PSG1: variants seen among roughly 807,000 people sequenced by gnomAD.
PSG1 encodes pregnancy-specific beta-1-glycoprotein 1.
Under a neutral mutation model 41.4 loss-of-function variants are expected in PSG1, and 60 were observed. The observed-to-expected ratio is 1.45, with a 90% CI of 1.18 to 1.80. The LOEUF is 1.80. Ranked by LOEUF, PSG1 falls within the 40% of genes most tolerant of loss-of-function variation. The pLI is 0.00. For synonymous variants in PSG1, 256 were observed against 192.9 expected (o/e 1.33, Z -2.71); for missense variants, 806 against 516.9 (o/e 1.56, Z -5.42).
In PSG1 at chr19:42,868,915, C is replaced by A. The variant is rs764466179; in HGVS notation, c.829G>T (p.Gly277Cys). The A allele has an allele frequency of 3.7e-6, 6 of 1,610,526 alleles. No individual in the cohort carries two copies. The East Asian group carries it at 8.9e-5, about 24-fold the overall frequency. The change falls in exon 4 of 6, where the codon GGT becomes TGT. Residue 277 changes from glycine to cysteine, a missense_variant. Coordinates refer to ENST00000436291, the MANE Select transcript of PSG1 (RefSeq NM_001184825.2). Reference protein sequence around the residue: ...ENYTYIWWLNGQSLPVSPRVK... With the variant: ...ENYTYIWWLNCQSLPVSPRVK... ...CTGGGACTGACCGGGAGGCTCTGAC[C>A]ATTTAGCCACCAAATGTAGGTGTAG...
At position 42,867,978 on chromosome 19, in the gene PSG1, T is replaced by C. The variant is rs1600486952; in HGVS notation, c.1243+123A>G. ...AAATTTGGAGGGTTCAGGAGGAGAA[T>C]TTGGGATTTGCTTGTGCCCATGGGA... On this transcript the variant is annotated intron_variant, in intron 5 of 5. Transcript: ENST00000436291. 5.0e-6 allele frequency: 8 copies of C among 1,600,954 alleles called. No homozygotes were observed. In the East Asian group the frequency reaches 1.8e-4, roughly 36 times the overall value.
intron 2 of PSG1, chr19:42,876,888 C>T (rs545395334): frequency 6.6e-6 from 1 of 152,522 alleles, no homozygotes; most frequent in Admixed American, 6.6e-5. Flanking sequence ...GCCCTCACTT[C>T]TGGTGGAGTA....
rs769787449 is a variant in PSG1 at position 42,878,034 on chromosome 19, G to A, written c.309C>T (p.Ser103=). The A allele has an allele frequency of 1.1e-5, 18 of 1,612,372 alleles. No individual in the cohort carries two copies. The highest frequency in any genetic ancestry group is 1.1e-5 in the Non-Finnish European group (13 of 1,179,160). ...CATTCTGGATCAGCAGGGATGCATT[G>A]GAATATGCTGTTTCTCGTCCACTAT... The part of the protein sequence containing the change: ...PAYSGRETAY[S]NASLLIQNVT... The change falls in exon 2 of 6, where the codon TCC becomes TCT. Residue 103 remains serine, a synonymous_variant. Coordinates refer to ENST00000436291, the MANE Select transcript of PSG1 (RefSeq NM_001184825.2).
intron 5 of PSG1, chr19:42,867,730 A>T (rs777912765): frequency 3.5e-6 from 3 of 860,758 alleles, no homozygotes; most frequent in Non-Finnish European, 6.0e-6. Context: ...AGTATAGTTT[A>T]TTGAACTGCT....
intron 2 of PSG1, among the ~76,000 whole-genome samples, chr19:42,876,337 AC>A (rs1971605425): frequency 6.6e-6 from 1 of 151,012 alleles, no homozygotes; most frequent in African/African-American, 2.4e-5. Flanking sequence ...GCCCTCGAGA[AC>A]CCTCCGGTGG....
At chr19:42,877,199 A>G (rs549065262) in intron 2 of PSG1, among the ~76,000 whole-genome samples, 1 of 151,756 alleles carries the variant, frequency 6.6e-6, no homozygotes, top group Admixed American at 6.6e-5. Flanking sequence ...GCTACCTGGT[A>G]CATCTTCTCT....
At chr19:42,874,772 G>C (rs112356106) in intron 2 of PSG1, among the ~76,000 whole-genome samples, 3,593 of 151,574 alleles carry the variant, frequency 0.024, 210 homozygotes, top group African/African-American at 0.082. Flanking sequence ...GAAAGTGACC[G>C]GAGAATGTGA....
intron 2 of PSG1, chr19:42,874,217 T>A (rs1345810910): frequency 6.6e-6 from 1 of 151,812 alleles, no homozygotes; most frequent in Non-Finnish European, 1.5e-5. Flanking sequence ...TCCACTTTTT[T>A]TCCCCACTCT....
Position 42,873,578 on chromosome 19 carries a change from A to C in PSG1, c.431-1533T>G, listed in dbSNP as rs558897534. On this transcript the variant is annotated intron_variant, in intron 2 of 5. Coordinates refer to ENST00000436291, the MANE Select transcript of PSG1 (RefSeq NM_001184825.2). ...ACATCTAAGATCAATTGCTGGTAGT[A>C]GTATTTCTCTTGAGACCAAAATAAG... Among the ~76,000 whole-genome samples, 174 of 151,900 alleles carry C rather than the reference A, an allele frequency of 1.1e-3. 6 individuals are homozygous for C. The highest frequency in any genetic ancestry group is 2.9e-3 in the Admixed American group (44 of 15,208).
Position 42,879,528 on chromosome 19 carries a change from G to A in PSG1, c.54C>T (p.Leu18=). ...AAGTTCTCTCCTCACCTGTGAGCAG[G>A]AGCCCCTTCCATTTGATGCGCTGTG... ...PCTQRIKWKG[L]LLTASLLNFW... Residue 18 remains leucine (L), a synonymous_variant, in exon 1 of 6, where the codon CTC becomes CTT. Coordinates refer to ENST00000436291, the MANE Select transcript of PSG1 (RefSeq NM_001184825.2). 2.5e-6 allele frequency: 4 copies of A among 1,609,058 alleles called. No homozygotes were observed. Among genetic ancestry groups the A allele is most frequent in the South Asian group, 1.1e-5 (1 of 90,662 alleles).
rs919473406 is a variant in PSG1, at chr19:42,866,710, T to C, written c.*424A>G. 2.6e-6 allele frequency: 1 copy of C among 385,978 alleles called. No individual in the cohort carries two copies. The highest frequency in any genetic ancestry group is 2.0e-5 in the African/African-American group (1 of 49,278). The allele number at this position is 385,978 out of a possible 1,614,324, so 23.9% of individuals were successfully genotyped here. A position where few individuals can be genotyped will look rare whatever the true frequency, so the allele number is the denominator to read the frequency against. On this transcript the variant is annotated 3_prime_UTR_variant, in exon 6 of 6. Coordinates refer to ENST00000436291, the MANE Select transcript of PSG1 (RefSeq NM_001184825.2). Reference sequence around the variant, plus strand: ...GAGAGAGCCACATTTCCCCCTGAGATGTTATGTAAAAGTTTGAGGTTGAGA... The same window carrying C: ...GAGAGAGCCACATTTCCCCCTGAGACGTTATGTAAAAGTTTGAGGTTGAGA...
chr19:42,879,516 A>T lies in PSG1; in HGVS notation c.64+2T>A, dbSNP rs1217596034. 1.9e-6 allele frequency: 3 copies of T among 1,609,384 alleles called. 1 individual carries two copies. In the East Asian group the frequency reaches 6.7e-5, roughly 36 times the overall value. On this transcript the variant is annotated splice_donor_variant, in intron 1 of 5. Transcript: ENST00000436291. LOFTEE classifies it high-confidence loss of function. ...TCCTCTCCCAGGAAGTTCTCTCCTC[A>T]CCTGTGAGCAGGAGCCCCTTCCATT...
At chr19:42,871,380 T>G (rs947300436) in intron 3 of PSG1, among the ~76,000 whole-genome samples, 2 of 151,522 alleles carry the variant, frequency 1.3e-5, no homozygotes, top group Non-Finnish European at 2.9e-5. Context: ...AAGAGAATAA[T>G]GTCACAGGCA....
chr19:42,870,823 G>C (rs1378425402), intron 3 of PSG1, among the ~76,000 whole-genome samples: 1 of 151,452 alleles, frequency 6.6e-6, no homozygotes, highest in Admixed American at 6.6e-5. Context: ...TGACTTTTTT[G>C]GTTAAACTTA....
intron 2 of PSG1, among the ~76,000 whole-genome samples, chr19:42,874,352 G>GTT (rs200749506): frequency 6.1e-5 from 9 of 148,172 alleles, no homozygotes; most frequent in African/African-American, 2.2e-4. Context: ...CTCTAACAGG[G>GTT]TTTTTTTTTT....
intron 4 of PSG1, 105 bp downstream of exon 4, chr19:42,868,651 G>C: frequency 6.4e-7 from 1 of 1,566,032 alleles, no homozygotes; most frequent in Non-Finnish European, 8.6e-7. Flanking sequence ...ATGTCCAGAA[G>C]TAAAGGTGTC....
At chr19:42,868,720 G>A (rs1568415823) in intron 4 of PSG1, 36 bp downstream of exon 4, 10 of 1,607,536 alleles carry the variant, frequency 6.2e-6, no homozygotes, top group African/African-American at 1.3e-5. Flanking sequence ...GATTTAAGCT[G>A]GTGTCCTGGC....
intron 2 of PSG1, among the ~76,000 whole-genome samples, chr19:42,874,421 A>T (rs1971520472): frequency 6.6e-6 from 1 of 151,194 alleles, no homozygotes; most frequent in African/African-American, 2.4e-5. Flanking sequence ...ATCTCAGCTC[A>T]CTGCAAGCTC....
rs1028851316 is a variant in PSG1 at position 42,874,487 on chromosome 19, C to A, written c.431-2442G>T. Among the ~76,000 whole-genome samples, 33 of 151,706 alleles carry A rather than the reference C, an allele frequency of 2.2e-4. 2 individuals are homozygous for A. Among genetic ancestry groups the A allele is most frequent in the Admixed American group, 1.1e-3 (16 of 15,198 alleles). On this transcript the variant is annotated intron_variant, in intron 2 of 5. Coordinates refer to ENST00000436291, the MANE Select transcript of PSG1 (RefSeq NM_001184825.2). ...TTGGCCTCCCAAGTAGCTGGGACTACAGGGGCCCGCCACCATGCCTGGCTA... is the reference window on the plus strand; with the variant it reads ...TTGGCCTCCCAAGTAGCTGGGACTAAAGGGGCCCGCCACCATGCCTGGCTA...
Sources: gnomAD v4.1 joint callset for allele counts (sites outside exome capture counted in the v4.1 genomes callset) on GRCh38, gnomAD v4.1.1 for gene constraint, MANE v1.5 for transcripts, NCBI Gene and HGNC (gene_info 2026-07-23, HGNC 2026-07-21) for gene names.